The following GRIP2 variants were observed in gnomAD, a reference collection of about 807,000 sequenced individuals.
The protein encoded by GRIP2 is glutamate receptor-interacting protein 2.
GRIP2 carries 58 observed loss-of-function variants against 108.3 expected under a neutral mutation model. That is an observed-to-expected ratio of 0.54 (90% CI 0.43 to 0.67). The LOEUF (loss-of-function observed/expected upper bound fraction) is 0.67. Among genes scored for constraint, GRIP2 ranks in the 30% least tolerant of loss-of-function variants. The pLI is 0.00. For synonymous variants in GRIP2, 586 were observed against 598.2 expected, an observed-to-expected ratio of 0.98 and a Z score of 0.30; for missense variants, 1,278 against 1,430.6, an observed-to-expected ratio of 0.89 and a Z score of 1.72.
At chr3:14,545,524 G>C (rs764129918), upstream of GRIP2, among the ~76,000 whole-genome samples, 1 of 152,236 alleles carries the variant, frequency 6.6e-6, no homozygotes, top group Non-Finnish European at 1.5e-5. Flanking sequence ...CCAGGGGCCT[G>C]GCCACGGATG....
chr3:14,541,212 A>T (rs750236949), upstream of GRIP2, among the ~76,000 whole-genome samples: 1 of 152,122 alleles, frequency 6.6e-6, no homozygotes, highest in Non-Finnish European at 1.5e-5. Context: ...GCTGCACCCA[A>T]TTTCCCCTGC....
chr3:14,589,863 C>T, the GRIP2 span, among the ~76,000 whole-genome samples: 1 of 151,284 alleles, frequency 6.6e-6, no homozygotes, highest in Admixed American at 6.6e-5. Context: ...TCACTGCAGC[C>T]TCAACCCCAC....
chr3:14,489,619 C>A lies in GRIP2; in HGVS notation c.*4046G>T, dbSNP rs1701280846. 6.6e-6 allele frequency: 1 copy of A among 152,294 alleles called. No homozygotes were observed. The highest frequency in any genetic ancestry group is 6.5e-5 in the Admixed American group (1 of 15,288). 9.4% of individuals were successfully genotyped at this position (152,294 alleles called of 1,614,324 possible). On this transcript the variant is annotated 3_prime_UTR_variant, in exon 24 of 24. Coordinates refer to ENST00000621039, the MANE Select transcript of GRIP2 (RefSeq NM_001080423.4). ...CTGATTCTACCTGCTACATGCCCAG[C>A]CCTGTACAGCTGGGAGATCTGGCAG...
At chr3:14,561,042 A>G (rs1695307348), upstream of GRIP2, among the ~76,000 whole-genome samples, 1 of 152,208 alleles carries the variant, frequency 6.6e-6, no homozygotes, top group African/African-American at 2.4e-5. Context: ...CGACTGGAAG[A>G]TCAGGAAGAC....
upstream of GRIP2, among the ~76,000 whole-genome samples, chr3:14,546,015 C>T (rs1482651994): frequency 3.3e-5 from 5 of 152,160 alleles, no homozygotes; most frequent in Admixed American, 1.3e-4. Context: ...GACACAGTCA[C>T]GATGTTGGCA....
chr3:14,533,989 T>G (rs1452107155), intron 1 of GRIP2, among the ~76,000 whole-genome samples: 1 of 152,186 alleles, frequency 6.6e-6, no homozygotes, highest in Non-Finnish European at 1.5e-5. Flanking sequence ...GGGTGTGCCC[T>G]TGGTGGCCTC....
upstream of GRIP2, among the ~76,000 whole-genome samples, chr3:14,546,251 G>A (rs769531882): frequency 1.3e-5 from 2 of 152,192 alleles, no homozygotes; most frequent in Non-Finnish European, 2.9e-5. Context: ...GAGCAGCTGA[G>A]GGGCAGGTGC....
chr3:14,575,232 GA>G, the GRIP2 span, among the ~76,000 whole-genome samples: 2 of 152,186 alleles, frequency 1.3e-5, no homozygotes, highest in African/African-American at 4.8e-5. Context: ...TAAAAGAGGA[GA>G]AAAAAGATGC....
chr3:14,545,119 G>T (rs1308665968), upstream of GRIP2, among the ~76,000 whole-genome samples: 1 of 152,256 alleles, frequency 6.6e-6, no homozygotes, highest in African/African-American at 2.4e-5. Context: ...CGTGTGGACA[G>T]GCCCAGGAGA....
At chr3:14,589,465 G>C in the GRIP2 span, among the ~76,000 whole-genome samples, 1 of 152,168 alleles carries the variant, frequency 6.6e-6, no homozygotes, top group Non-Finnish European at 1.5e-5. Context: ...GTTCTTCAAG[G>C]ATGTGTTTTG....
chr3:14,505,952 G>A lies in GRIP2; in HGVS notation c.2399-163C>T, dbSNP rs1045226692. ...GCCTCTGCCTCTCAGAATCTCCCTG[G>A]AGCTCCTGGTCATCCAGAAGTTAAT... On this transcript the variant is annotated intron_variant, in intron 19 of 23. Transcript: ENST00000621039. The surrounding 1 kb of genome is among the most constrained non-coding windows in gnomAD (Gnocchi z 4.2). Among the ~76,000 whole-genome samples, 2 of 152,158 alleles carry A rather than the reference G, an allele frequency of 1.3e-5. No individual in the cohort carries two copies. The highest frequency in any genetic ancestry group is 2.9e-5 in the Non-Finnish European group (2 of 68,020).
intron 1 of GRIP2, among the ~76,000 whole-genome samples, chr3:14,553,577 G>C (rs1448438322): frequency 2.0e-5 from 3 of 152,176 alleles, no homozygotes; most frequent in Admixed American, 2.0e-4. Flanking sequence ...TGGAGGACAT[G>C]GGAGGGGTCT....
At chr3:14,603,005 G>A in the GRIP2 span, among the ~76,000 whole-genome samples, 1 of 146,378 alleles carries the variant, frequency 6.8e-6, no homozygotes, top group African/African-American at 2.4e-5. Flanking sequence ...CCTGCGGCCC[G>A]GCCCGGCCTC....
chr3:14,533,961 A>G (rs974205538), intron 1 of GRIP2, among the ~76,000 whole-genome samples: 3 of 152,150 alleles, frequency 2.0e-5, no homozygotes, highest in Admixed American at 1.3e-4. Flanking sequence ...GCCTCGAGAG[A>G]CTTCCCTAGG....
At chr3:14,530,075 G>A (rs555197489) in intron 1 of GRIP2, among the ~76,000 whole-genome samples, 211 of 152,240 alleles carry the variant, frequency 1.4e-3, no homozygotes, top group African/African-American at 4.9e-3. Context: ...CAGAAACAAG[G>A]GGCACACCTT....
Position 14,505,563 on chromosome 3 carries a change from C to T in GRIP2, c.2573+52G>A. The T allele has an allele frequency of 6.4e-7, 1 of 1,569,512 alleles. No homozygotes were observed. On this transcript the variant is annotated intron_variant, in intron 20 of 23. Coordinates refer to ENST00000621039, the MANE Select transcript of GRIP2 (RefSeq NM_001080423.4). The surrounding 1 kb of genome is among the most constrained non-coding windows in gnomAD (Gnocchi z 4.2). ...TTTGGCACAGGCACCCTCGCCCACC[C>T]CAGCCAAGACACTGTGACTCCCTCC... is the stretch of plus-strand genomic sequence containing the variant.
chr3:14,522,063 G>C lies in GRIP2; in HGVS notation c.567-276C>G. ...GGGTGTGCAGTAATTCACAGACTCA[G>C]TGCAGAACCCTGAAATGTCTGAGCT... On this transcript the variant is annotated intron_variant, in intron 6 of 23. Transcript: ENST00000621039. The surrounding 1 kb of genome is among the most constrained non-coding windows in gnomAD (Gnocchi z 4.3). 2.2e-6 allele frequency: 1 copy of C among 452,114 alleles called. No individual in the cohort carries two copies. The highest frequency in any genetic ancestry group is 4.2e-5 in the Admixed American group (1 of 23,904). The allele number at this position is 452,114 out of a possible 1,614,324, so 28.0% of individuals were successfully genotyped here.
chr3:14,573,378 G>A, the GRIP2 span: 50 of 1,329,122 alleles, frequency 3.8e-5, no homozygotes, highest in South Asian at 4.6e-4. Context: ...CAGGTCCCGC[G>A]GGATGGTCAT....
At chr3:14,525,171 A>G (rs1001277693) in intron 3 of GRIP2, among the ~76,000 whole-genome samples, 1 of 152,170 alleles carries the variant, frequency 6.6e-6, no homozygotes, top group Non-Finnish European at 1.5e-5. Flanking sequence ...GGGACTGCAT[A>G]TGCAAAGGCC....
Sources: allele counts gnomAD v4.1 joint callset (sites outside exome capture counted in the v4.1 genomes callset), GRCh38; gene constraint gnomAD v4.1.1; non-coding constraint Gnocchi (gnomAD v3.1); transcripts MANE v1.5; gene names NCBI Gene and HGNC (gene_info 2026-07-23, HGNC 2026-07-21).